Variants in KLC1 observed in about 807,000 individuals in gnomAD.
KLC1 encodes the protein kinesin light chain 1.
A neutral mutation model predicts 84.2 loss-of-function variants in KLC1; 30 were observed. That is an observed-to-expected ratio of 0.36 (90% CI 0.27 to 0.48). The LOEUF is 0.48. Among genes scored for constraint, KLC1 ranks in the 20% least tolerant of loss-of-function variants. KLC1 has a pLI of 0.99. For missense variants in KLC1, 499 were observed against 805.4 expected (o/e 0.62, Z 4.60); for synonymous variants, 289 against 293.3 (o/e 0.99, Z 0.15).
intron 7 of KLC1, among the ~76,000 whole-genome samples, chr14:103,672,076 A>G (rs1263547870): frequency 6.6e-6 from 1 of 152,186 alleles, no homozygotes; most frequent in Non-Finnish European, 1.5e-5. Context: ...GCACATCAGC[A>G]TCTAGAATAG....
At chr14:103,695,018 C>A (rs758234308) in intron 15 of KLC1, 3 of 985,416 alleles carry the variant, frequency 3.0e-6, no homozygotes, top group Non-Finnish European at 3.6e-6. Context: ...GTGGCCGTGG[C>A]TCCTTTTCTG....
At position 103,694,177 on chromosome 14, in the gene KLC1, GC is replaced by G. The variant is rs1253830045; in HGVS notation, c.1848+1756del. 1.0e-6 allele frequency: 1 copy of G among 985,182 alleles called. No individual in the cohort carries two copies. The highest frequency in any genetic ancestry group is 1.2e-6 in the Non-Finnish European group (1 of 830,202). The allele number at this position is 985,182 out of a possible 1,614,324, so 61.0% of individuals were successfully genotyped here. ...AGGTCCCCATGCCTGTGGCCCTGGG[GC>G]CCCATGCCCCCTTTTGAGCTGTGTT... On this transcript the variant is annotated intron_variant, in intron 15 of 16. Coordinates refer to ENST00000334553, the MANE Select transcript of KLC1 (RefSeq NM_001394837.1). The surrounding 1 kb of genome is among the most constrained non-coding windows in gnomAD (Gnocchi z 4.5).
At position 103,657,587 on chromosome 14, in the gene KLC1, C is replaced by T. The variant is rs761378737; in HGVS notation, c.303C>T (p.Ser101=). ...ALSNHLNAVE[S]EKQKLRAQVR... is the part of the protein sequence containing the mutation. Reference sequence around the variant, plus strand: ...CAAATCACCTGAATGCTGTGGAGTCCGAGAAGCAGAAACTGCGTGCGCAGG... The same window carrying T: ...CAAATCACCTGAATGCTGTGGAGTCTGAGAAGCAGAAACTGCGTGCGCAGG... Residue 101 remains serine (S), a synonymous_variant, in exon 3 of 17, where the codon TCC becomes TCT. Coordinates refer to ENST00000334553, the MANE Select transcript of KLC1 (RefSeq NM_001394837.1). The T allele has an allele frequency of 4.4e-5, 71 of 1,613,950 alleles. No homozygotes were observed. Among genetic ancestry groups the T allele is most frequent in the South Asian group, 1.1e-4 (10 of 91,084 alleles).
At chr14:103,701,084 C>T (rs2083159238) in intron 16 of KLC1, 117 bp from the exon 17 acceptor site, 19 of 1,295,416 alleles carry the variant, frequency 1.5e-5, no homozygotes, top group Non-Finnish European at 2.1e-5. Context: ...CCAGCAACAC[C>T]CTCTTCTCTA....
intron 7 of KLC1, 52 bp from the exon 8 acceptor site, chr14:103,672,962 G>A: frequency 6.6e-7 from 1 of 1,519,460 alleles, no homozygotes; most frequent in Non-Finnish European, 9.1e-7. Flanking sequence ...GTGGAGAATG[G>A]ATTGGATGGA....
intron 11 of KLC1, among the ~76,000 whole-genome samples, chr14:103,676,697 T>G (rs2080913204): frequency 1.3e-5 from 2 of 152,228 alleles, no homozygotes; most frequent in African/African-American, 4.8e-5. Flanking sequence ...GAAAATAGCT[T>G]CTTTATTTCT....
At position 103,644,298 on chromosome 14, in the gene KLC1, C is replaced by T. The variant is rs1423661583; in HGVS notation, c.-1-10266C>T. Among the ~76,000 whole-genome samples, 5 of 146,176 alleles carry T rather than the reference C, an allele frequency of 3.4e-5. No homozygotes were observed. In the South Asian group the frequency reaches 8.8e-4, roughly 26 times the overall value. The stretch of plus-strand genomic sequence containing the variant: ...TTTTTGAGATGGAATCTCGCTTTGT[C>T]GCCCAGGCTGGAGTGCAGTGGCGTG... On this transcript the variant is annotated intron_variant, in intron 1 of 16. Transcript: ENST00000334553.
chr14:103,682,702 A>G (rs1377231846), intron 13 of KLC1: 1 of 151,956 alleles, frequency 6.6e-6, no homozygotes, highest in East Asian at 1.9e-4. Flanking sequence ...AGAAAAAAGA[A>G]AAAACAACTA....
Position 103,669,588 on chromosome 14 carries a change from A to T in KLC1, c.875A>T (p.Asp292Val), listed in dbSNP as rs755100679. ...ATTCGTGAGAAAACTTTGGGCAAAG[A>T]TCATCCTGCGGTTTGTATATCCAGT... Reference protein sequence around the residue: ...LAIREKTLGKDHPAVAATLNN... With the variant: ...LAIREKTLGKVHPAVAATLNN... Residue 292 changes from aspartate to valine, a missense_variant, in exon 6 of 17, where the codon GAT (aspartate) becomes GTT (valine). By Grantham distance (152) the Asp-to-Val change is radical. This residue lies in a region of KLC1 where 153 missense variants were observed against 332.4 expected (regional missense o/e 0.46). Transcript: ENST00000334553. 7.5e-6 allele frequency: 12 copies of T among 1,602,948 alleles called. No homozygotes were observed. In the African/African-American group the frequency reaches 1.5e-4, roughly 20 times the overall value.
chr14:103,686,960 C>T, intron 13 of KLC1, 121 bp from the exon 14 acceptor site: 2 of 566,158 alleles, frequency 3.5e-6, no homozygotes, highest in South Asian at 2.5e-5. Context: ...AAGACTCTGT[C>T]AGCAGTGAGC....
At chr14:103,672,915 G>A (rs924379575) in intron 7 of KLC1, 99 bp from the exon 8 acceptor site, 19 of 1,045,792 alleles carry the variant, frequency 1.8e-5, no homozygotes, top group African/African-American at 1.3e-4. Context: ...TAGCACAGTC[G>A]TGCTTATGTT....
At chr14:103,686,340 C>A in intron 13 of KLC1, 1 of 449,684 alleles carries the variant, frequency 2.2e-6, no homozygotes, top group South Asian at 9.4e-5. Flanking sequence ...CAAGGAGTTC[C>A]TTCCAAGAAG....
At chr14:103,638,196 G>A (rs751900490) in intron 1 of KLC1, among the ~76,000 whole-genome samples, 2 of 151,872 alleles carry the variant, frequency 1.3e-5, no homozygotes, top group Non-Finnish European at 2.9e-5. Flanking sequence ...ACCTTTGCAA[G>A]GAAAAAACCT....
chr14:103,693,835 C>T lies in KLC1; in HGVS notation c.1848+1410C>T. On this transcript the variant is annotated intron_variant, in intron 15 of 16. Transcript: ENST00000334553. The surrounding 1 kb of genome is among the most constrained non-coding windows in gnomAD (Gnocchi z 5.1). ...TGCAGCCCCAGTGCCAGGAGCCACC[C>T]CGACCGCGACCCGGCCAGGCTGGCT... 7.2e-7 allele frequency: 1 copy of T among 1,384,368 alleles called. No individual in the cohort carries two copies. 85.8% of individuals were successfully genotyped at this position (1,384,368 alleles called of 1,614,324 possible).
intron 1 of KLC1, among the ~76,000 whole-genome samples, chr14:103,648,753 A>T (rs966856927): frequency 6.6e-6 from 1 of 152,160 alleles, no homozygotes; most frequent in African/African-American, 2.4e-5. Flanking sequence ...ATGAGCCAAG[A>T]TCATGCCACT....
intron 1 of KLC1, among the ~76,000 whole-genome samples, chr14:103,637,104 A>G (rs1309452857): frequency 6.6e-6 from 1 of 151,308 alleles, no homozygotes; most frequent in Non-Finnish European, 1.5e-5. Flanking sequence ...TATTTTTTAT[A>G]CAAGCCGTTT....
At chr14:103,697,396 C>G (rs1351953314) in intron 15 of KLC1, among the ~76,000 whole-genome samples, 1 of 151,880 alleles carries the variant, frequency 6.6e-6, no homozygotes, top group Non-Finnish European at 1.5e-5. Context: ...TGTAGGAGCA[C>G]CCACAGGCTC....
chr14:103,632,107 A>G (rs2076732512), intron 1 of KLC1, among the ~76,000 whole-genome samples: 2 of 152,148 alleles, frequency 1.3e-5, no homozygotes, highest in South Asian at 2.1e-4. Context: ...TAAAAGAGCC[A>G]CTGTTGGCCG....
At chr14:103,677,661 G>A (rs1160228872) in intron 12 of KLC1, 138 bp downstream of exon 12, 1 of 650,892 alleles carries the variant, frequency 1.5e-6, no homozygotes, top group Admixed American at 2.7e-5. Flanking sequence ...AAGTTATATT[G>A]TTTAAAAGAG....
Sources: gnomAD v4.1 joint callset for allele counts (sites outside exome capture counted in the v4.1 genomes callset) on GRCh38, gnomAD v4.1.1 for gene constraint, gnomAD v4.1.1 regional missense constraint, Gnocchi (gnomAD v3.1) non-coding constraint, MANE v1.5 for transcripts, NCBI Gene and HGNC (gene_info 2026-07-23, HGNC 2026-07-21) for gene names.